The following THSD4 variants were observed in gnomAD, a reference collection of about 807,000 sequenced individuals.
THSD4 encodes thrombospondin type-1 domain-containing protein 4.
In THSD4, 69 loss-of-function variants were observed where a neutral mutation model predicts 119.0. The ratio of observed to expected loss-of-function variants is 0.58; its 90% confidence interval spans 0.48 to 0.71. The LOEUF is 0.71. THSD4 is among the 30% of genes least tolerant of loss of function. The pLI is 0.00. For synonymous variants in THSD4, 524 were observed against 540.4 expected, an observed-to-expected ratio of 0.97 and a Z score of 0.42; for missense variants, 1,393 against 1,391.1, an observed-to-expected ratio of 1.00 and a Z score of -0.02.
At chr15:71,450,953 G>A (rs2047255475) in intron 7 of THSD4, among the ~76,000 whole-genome samples, 1 of 152,290 alleles carries the variant, frequency 6.6e-6, no homozygotes, top group South Asian at 2.1e-4. Context: ...CAGAGCGGAT[G>A]GATTGCTTGA....
At chr15:71,273,525 A>G (rs1243482766) in intron 6 of THSD4, among the ~76,000 whole-genome samples, 1 of 152,192 alleles carries the variant, frequency 6.6e-6, no homozygotes, top group Non-Finnish European at 1.5e-5. Flanking sequence ...CAAAGTTGCT[A>G]AAAGAGTAGA....
chr15:71,601,145 G>T (rs546152234), intron 7 of THSD4, among the ~76,000 whole-genome samples: 1 of 152,304 alleles, frequency 6.6e-6, no homozygotes, highest in East Asian at 1.9e-4. Flanking sequence ...ATGAGTGCAT[G>T]TTGGAAGCGA....
intron 4 of THSD4, among the ~76,000 whole-genome samples, chr15:71,230,243 A>G (rs1181667456): frequency 6.6e-6 from 1 of 152,190 alleles, no homozygotes. Flanking sequence ...CTGGAGGGCC[A>G]CACAGGTTCA....
chr15:71,138,219 C>T (rs910931498), intron 1 of THSD4, among the ~76,000 whole-genome samples: 18 of 152,066 alleles, frequency 1.2e-4, no homozygotes, highest in African/African-American at 3.9e-4. Context: ...TCTTACATGG[C>T]GGCAGGTGAG....
intron 6 of THSD4, among the ~76,000 whole-genome samples, chr15:71,298,424 C>T (rs565343186): frequency 6.6e-6 from 1 of 152,214 alleles, no homozygotes; most frequent in East Asian, 1.9e-4. Flanking sequence ...ATTAACCAGC[C>T]ATCCCACTGT....
At chr15:71,250,903 A>G (rs956651766) in intron 5 of THSD4, among the ~76,000 whole-genome samples, 7 of 152,182 alleles carry the variant, frequency 4.6e-5, no homozygotes, top group Admixed American at 4.6e-4. Flanking sequence ...GGAGAACATT[A>G]TGAACTTCCT....
chr15:71,349,298 G>A (rs2045712792), intron 6 of THSD4, among the ~76,000 whole-genome samples: 1 of 152,172 alleles, frequency 6.6e-6, no homozygotes, highest in Admixed American at 6.5e-5. Flanking sequence ...ACCTAAAATT[G>A]TTGTTTCCCT....
intron 6 of THSD4, among the ~76,000 whole-genome samples, chr15:71,387,362 G>T (rs2046308115): frequency 6.6e-6 from 1 of 152,062 alleles, no homozygotes; most frequent in African/African-American, 2.4e-5. Flanking sequence ...CAAGAATCGG[G>T]GCTTACACGG....
At chr15:71,775,764 A>C (rs1202765030) in intron 17 of THSD4, among the ~76,000 whole-genome samples, 6 of 152,156 alleles carry the variant, frequency 3.9e-5, no homozygotes. Context: ...TGGAAGAGCA[A>C]AAGCAAGGAA....
chr15:71,491,967 C>T (rs542756325), intron 7 of THSD4, among the ~76,000 whole-genome samples: 4 of 152,206 alleles, frequency 2.6e-5, no homozygotes, highest in Non-Finnish European at 5.9e-5. Flanking sequence ...AAGACAGTAT[C>T]TTATTTTTGC....
intron 7 of THSD4, among the ~76,000 whole-genome samples, chr15:71,516,692 C>T (rs765797123): frequency 2.0e-5 from 3 of 150,764 alleles, no homozygotes; most frequent in African/African-American, 5.0e-5. Context: ...TGTTTTCAGA[C>T]AAATTACAAT....
Position 71,690,653 on chromosome 15 carries a change from G to A in THSD4, c.1357+29919G>A, listed in dbSNP as rs980437567. Among the ~76,000 whole-genome samples, 6 of 152,206 alleles carry A rather than the reference G, an allele frequency of 3.9e-5. No individual in the cohort carries two copies. In the East Asian group the frequency reaches 9.6e-4, roughly 24 times the overall value. On this transcript the variant is annotated intron_variant, in intron 8 of 17. Transcript: ENST00000261862. ...AATTTACAAAAGAAAGAAGTTTAATGACTTACAGTTTCATGTGGTTGGGGA... is the reference window on the plus strand; with the variant it reads ...AATTTACAAAAGAAAGAAGTTTAATAACTTACAGTTTCATGTGGTTGGGGA...
chr15:71,297,548 C>T (rs903812098), intron 6 of THSD4, among the ~76,000 whole-genome samples: 2 of 152,120 alleles, frequency 1.3e-5, no homozygotes, highest in Non-Finnish European at 2.9e-5. Flanking sequence ...GTTGGTCAGG[C>T]TGGTCTTGAA....
chr15:71,348,603 C>T (rs544064932), intron 6 of THSD4: 2 of 152,234 alleles, frequency 1.3e-5, no homozygotes, highest in Non-Finnish European at 2.9e-5. Flanking sequence ...CCCGATTGAG[C>T]TAAAGAAGGG....
At position 71,765,785 on chromosome 15, in the gene THSD4, A is replaced by ACT. The variant is rs1268256836; in HGVS notation, c.2769+591_2769+592dup. ...ACATTACACAAACACACACGCACACACTCTCTGTGTGTGTGTGTGTGTGTG... is the reference window on the plus strand; with the variant it reads ...ACATTACACAAACACACACGCACACACTCTCTCTGTGTGTGTGTGTGTGTGTG... On this transcript the variant is annotated intron_variant, in intron 16 of 17. Coordinates refer to ENST00000261862, the MANE Select transcript of THSD4 (RefSeq NM_024817.3). 4.4e-4 allele frequency among the ~76,000 whole-genome samples: 55 copies of ACT among 126,208 alleles called. 1 individual carries two copies. The highest frequency in any genetic ancestry group is 8.8e-4 in the East Asian group (4 of 4,566). The allele number at this position is 126,208 out of a possible 152,430, so 82.8% of individuals were successfully genotyped here.
chr15:71,453,965 C>T (rs1186809179), intron 7 of THSD4, among the ~76,000 whole-genome samples: 1 of 152,104 alleles, frequency 6.6e-6, no homozygotes. Context: ...ACATTTAAAA[C>T]CACTCTTTCA....
At chr15:71,120,035 G>A (rs1458654673) in intron 1 of THSD4, among the ~76,000 whole-genome samples, 1 of 152,206 alleles carries the variant, frequency 6.6e-6, no homozygotes, top group African/African-American at 2.4e-5. Flanking sequence ...ATCAGTGCTT[G>A]AGACAATTGG....
At chr15:71,412,360 G>A (rs1320575350) in intron 7 of THSD4, among the ~76,000 whole-genome samples, 2 of 152,206 alleles carry the variant, frequency 1.3e-5, no homozygotes, top group Admixed American at 6.5e-5. Flanking sequence ...CCCGCCTGGC[G>A]TTCTGCAAAC....
chr15:71,467,790 C>T (rs1052114475), intron 7 of THSD4, among the ~76,000 whole-genome samples: 4 of 149,458 alleles, frequency 2.7e-5, no homozygotes, highest in Non-Finnish European at 5.9e-5. Context: ...ATCATAGGGG[C>T]GGGTCTTTCT....
Sources: gnomAD v4.1 joint callset for allele counts (sites outside exome capture counted in the v4.1 genomes callset) on GRCh38, gnomAD v4.1.1 for gene constraint, MANE v1.5 for transcripts, NCBI Gene and HGNC (gene_info 2026-07-23, HGNC 2026-07-21) for gene names.